ANHX: variants seen among roughly 807,000 people sequenced by gnomAD.
The protein encoded by ANHX is anomalous homeobox.
In ANHX, 20 loss-of-function variants were observed where a neutral mutation model predicts 38.9. That is an observed-to-expected ratio of 0.51 (90% CI 0.36 to 0.75). ANHX has a LOEUF of 0.75. ANHX is among the 30% of genes least tolerant of loss of function. The pLI is 0.00. For synonymous variants in ANHX, 185 were observed against 203.1 expected, an observed-to-expected ratio of 0.91 and a Z score of 0.76; for missense variants, 475 against 493.1, an observed-to-expected ratio of 0.96 and a Z score of 0.35.
At position 133,221,105 on chromosome 12, in the gene ANHX, T is replaced by G. The variant is rs796246406; in HGVS notation, c.1280+100A>C. The stretch of plus-strand genomic sequence containing the variant: ...TTCAGCAATCCAAAGGAGAGGACCC[T>G]ATCTGCACAGTCCGGGACGGTGAGT... On this transcript the variant is annotated intron_variant, in intron 8 of 9. Transcript: ENST00000545940. The surrounding 1 kb of genome is among the most constrained non-coding windows in gnomAD (Gnocchi z 4.1). 130 of 1,408,012 alleles carry G rather than the reference T, an allele frequency of 9.2e-5. No homozygotes were observed. The African/African-American group carries it at 1.6e-3, about 17-fold the overall frequency. The allele number at this position is 1,408,012 out of a possible 1,614,324, so 87.2% of individuals were successfully genotyped here.
chr12:133,224,824 A>G (rs146929720), intron 7 of ANHX, among the ~76,000 whole-genome samples: 5,361 of 133,804 alleles, frequency 0.04, 318 homozygotes, highest in African/African-American at 0.14. Context: ...AAAATTAGCC[A>G]GGCGTGGTGG....
intron 8 of ANHX, among the ~76,000 whole-genome samples, chr12:133,219,822 C>A (rs1957084347): frequency 6.6e-6 from 1 of 152,138 alleles, no homozygotes; most frequent in African/African-American, 2.4e-5. Flanking sequence ...ATGTTCACAG[C>A]AGCTTTATCT....
At chr12:133,233,876 C>A (rs997223632) in intron 2 of ANHX, among the ~76,000 whole-genome samples, 1 of 152,140 alleles carries the variant, frequency 6.6e-6, no homozygotes, top group African/African-American at 2.4e-5. Context: ...AGGGATTTGC[C>A]AAATGAGTAG....
At chr12:133,224,767 C>T (rs1174081492) in intron 7 of ANHX, among the ~76,000 whole-genome samples, 11 of 150,884 alleles carry the variant, frequency 7.3e-5, no homozygotes, top group Non-Finnish European at 1.6e-4. Flanking sequence ...AGATCAAGAC[C>T]ATCCTGGCTA....
intron 3 of ANHX, among the ~76,000 whole-genome samples, chr12:133,230,313 A>C (rs1004334958): frequency 6.6e-6 from 1 of 152,006 alleles, no homozygotes; most frequent in African/African-American, 2.4e-5. Flanking sequence ...TCCCCTGAAG[A>C]CCCCACAGCT....
chr12:133,225,177 G>A (rs898768797), intron 7 of ANHX, among the ~76,000 whole-genome samples: 3 of 152,046 alleles, frequency 2.0e-5, no homozygotes, highest in Non-Finnish European at 4.4e-5. Flanking sequence ...TAAGGGGGGT[G>A]GACAAGCGGG....
At chr12:133,228,411 G>T (rs1017860263) in intron 3 of ANHX, among the ~76,000 whole-genome samples, 2 of 152,128 alleles carry the variant, frequency 1.3e-5, no homozygotes, top group African/African-American at 4.8e-5. Flanking sequence ...TTTCCATTCA[G>T]TGCTTTCTGT....
rs1038724508 is a variant in ANHX at position 133,218,492 on chromosome 12, CCTCA to C, written c.*389_*392del. Reference sequence around the variant, plus strand: ...CAGAAATCTCAGAACACTCCTCATACCTCACTCAGTTAACTTGGTGGAAAAGTCT... The same window carrying C: ...CAGAAATCTCAGAACACTCCTCATACCTCAGTTAACTTGGTGGAAAAGTCT... On this transcript the variant is annotated 3_prime_UTR_variant, in exon 10 of 10. Coordinates refer to ENST00000545940, the MANE Select transcript of ANHX (RefSeq NM_001372060.1). The C allele has an allele frequency of 1.2e-5, 2 of 163,290 alleles. No homozygotes were observed. Among genetic ancestry groups the C allele is most frequent in the African/African-American group, 4.8e-5 (2 of 41,778 alleles). The allele number at this position is 163,290 out of a possible 1,614,324, so 10.1% of individuals were successfully genotyped here. A position where few individuals can be genotyped will look rare whatever the true frequency, so the allele number is the denominator to read the frequency against.
intron 5 of ANHX, 23 bp from the exon 6 acceptor site, chr12:133,226,461 G>C (rs973249114): frequency 3.3e-5 from 51 of 1,523,666 alleles, no homozygotes; most frequent in Non-Finnish European, 4.0e-5. Flanking sequence ...AGATGGGAGG[G>C]GAGACTTAGT....
intron 7 of ANHX, among the ~76,000 whole-genome samples, chr12:133,224,810 CA>C (rs1229786231): frequency 7.0e-5 from 10 of 143,360 alleles, no homozygotes; most frequent in Non-Finnish European, 1.1e-4. Context: ...CTAAAAAGTA[CA>C]AAAAAATTAG....
rs1050267746 is a variant in ANHX, at chr12:133,221,734, C to T, written c.1133-382G>A. On this transcript the variant is annotated intron_variant, in intron 7 of 9. Coordinates refer to ENST00000545940, the MANE Select transcript of ANHX (RefSeq NM_001372060.1). The surrounding 1 kb of genome is among the most constrained non-coding windows in gnomAD (Gnocchi z 4.1). ...TGTGGCTGGTTCACGGAGTGCTTGG[C>T]CACCAGCCCTTGGTGGTTTCCACTT... Among the ~76,000 whole-genome samples, 8 of 152,182 alleles carry T rather than the reference C, an allele frequency of 5.3e-5. No homozygotes were observed. Among genetic ancestry groups the T allele is most frequent in the African/African-American group, 1.7e-4 (7 of 41,444 alleles).
At position 133,226,456 on chromosome 12, in the gene ANHX, G is replaced by A. The variant is rs1957190566; in HGVS notation, c.719-18C>T. ...ACGTTCCTCTGAAAGTGATGAGATG[G>A]GAGGGGAGACTTAGTGAGGCTCTGG... On this transcript the variant is annotated intron_variant, in intron 5 of 9. Transcript: ENST00000545940. 6.5e-7 allele frequency: 1 copy of A among 1,526,980 alleles called. No individual in the cohort carries two copies. Among genetic ancestry groups the A allele is most frequent in the Middle Eastern group, 1.7e-4 (1 of 5,932 alleles). 94.6% of individuals were successfully genotyped at this position (1,526,980 alleles called of 1,614,324 possible). A position where few individuals can be genotyped will look rare whatever the true frequency, so the allele number is the denominator to read the frequency against.
chr12:133,232,570 C>T (rs1223408239), intron 2 of ANHX, among the ~76,000 whole-genome samples: 1 of 152,176 alleles, frequency 6.6e-6, no homozygotes, highest in African/African-American at 2.4e-5. Flanking sequence ...CAGGAACACC[C>T]TGCACAGGCT....
chr12:133,233,984 G>A (rs907647620), intron 2 of ANHX, 124 bp downstream of exon 2: 4 of 1,265,646 alleles, frequency 3.2e-6, no homozygotes, highest in African/African-American at 1.5e-5. Context: ...AGGCCTGGGG[G>A]TGGGCCTCTG....
intron 7 of ANHX, among the ~76,000 whole-genome samples, chr12:133,224,692 G>C (rs1372551385): frequency 1.4e-5 from 2 of 142,072 alleles, no homozygotes; most frequent in Non-Finnish European, 3.0e-5. Flanking sequence ...AATGCTGGGC[G>C]TGGTGGCTCA....
At chr12:133,222,848 G>A (rs1024784443) in intron 7 of ANHX, among the ~76,000 whole-genome samples, 1 of 152,178 alleles carries the variant, frequency 6.6e-6, no homozygotes, top group Non-Finnish European at 1.5e-5. Context: ...AATCTATGAA[G>A]GAAGAAGAGT....
intron 2 of ANHX, 63 bp downstream of exon 2, chr12:133,234,045 G>A (rs768349469): frequency 8.0e-6 from 12 of 1,504,358 alleles, no homozygotes; most frequent in East Asian, 2.5e-5. Flanking sequence ...CCGGAGATGG[G>A]TGGAGGCTGC....
At position 133,220,494 on chromosome 12, in the gene ANHX, T is replaced by C. The variant is rs1295049765; in HGVS notation, c.1280+711A>G. 2.0e-5 allele frequency among the ~76,000 whole-genome samples: 3 copies of C among 152,190 alleles called. No homozygotes were observed. In the East Asian group the frequency reaches 5.8e-4, roughly 29 times the overall value. ...CAAGCAGGCCATGTGATTTAGGGGC[T>C]GCTCCGCCTTTTCTCCTATGTCCCT... is the stretch of plus-strand genomic sequence containing the variant. On this transcript the variant is annotated intron_variant, in intron 8 of 9. Transcript: ENST00000545940.
chr12:133,230,998 G>A (rs150243807), intron 3 of ANHX, among the ~76,000 whole-genome samples: 41 of 152,242 alleles, frequency 2.7e-4, no homozygotes, highest in Admixed American at 9.8e-4. Flanking sequence ...TATTCTGAGC[G>A]CCTGACATGT....
Sources: gnomAD v4.1 joint callset for allele counts (sites outside exome capture counted in the v4.1 genomes callset) on GRCh38, gnomAD v4.1.1 for gene constraint, Gnocchi (gnomAD v3.1) non-coding constraint, MANE v1.5 for transcripts, NCBI Gene and HGNC (gene_info 2026-07-23, HGNC 2026-07-21) for gene names.